STPG2: variants seen among roughly 807,000 people sequenced by gnomAD.
STPG2 encodes sperm tail PG-rich repeat containing 2.
STPG2 carries 56 observed loss-of-function variants against 54.2 expected under a neutral mutation model. The observed-to-expected ratio is 1.03, with a 90% confidence interval of 0.83 to 1.29. The LOEUF (loss-of-function observed/expected upper bound fraction) is 1.29, where lower values mean the gene tolerates loss of function less well. Among genes scored for constraint, STPG2 ranks in the 50% most tolerant of loss-of-function variants. The probability of loss-of-function intolerance (pLI) is 0.00; values close to 1 mark genes in which losing one functional copy is unlikely to be tolerated. For missense variants in STPG2, 596 were observed against 544.9 expected (o/e 1.09, Z -0.93); for synonymous variants, 200 against 181.8 (o/e 1.10, Z -0.81).
At chr4:97,999,030 C>A (rs1009672379) in intron 5 of STPG2, among the ~76,000 whole-genome samples, 13 of 151,804 alleles carry the variant, frequency 8.6e-5, no homozygotes, top group Non-Finnish European at 1.5e-4. Flanking sequence ...CTGTAATAAA[C>A]TATAGATTTA....
intron 8 of STPG2, among the ~76,000 whole-genome samples, chr4:97,906,898 A>G (rs1476732337): frequency 6.6e-6 from 1 of 152,072 alleles, no homozygotes; most frequent in Non-Finnish European, 1.5e-5. Context: ...TGACAAACCC[A>G]CAGCCAATCT....
rs374401380 is a variant in STPG2, at chr4:97,952,538, T to C, written c.934-8531A>G. On this transcript the variant is annotated intron_variant, in intron 7 of 10. Transcript: ENST00000295268. ...AGAGCCAGGCCACTATGAATGCTGC[T>C]GTTCCTCTGGGTCTAGTAACCCAGT... Among the ~76,000 whole-genome samples the C allele has an allele frequency of 2.6e-5, 4 of 152,256 alleles. No individual in the cohort carries two copies. In the South Asian group the frequency reaches 6.2e-4, roughly 24 times the overall value.
intron 9 of STPG2, among the ~76,000 whole-genome samples, chr4:97,742,455 C>T (rs1384872779): frequency 6.7e-6 from 1 of 150,308 alleles, no homozygotes; most frequent in Non-Finnish European, 1.5e-5. Context: ...TTCATTTTGG[C>T]ATTGTTCACA....
intron 9 of STPG2, among the ~76,000 whole-genome samples, chr4:97,787,192 G>A (rs530247700): frequency 1.3e-5 from 2 of 152,038 alleles, no homozygotes; most frequent in African/African-American, 4.8e-5. Context: ...TGAATATTTC[G>A]TACTTTTTTT....
At chr4:98,071,622 T>A (rs183570521) in intron 5 of STPG2, among the ~76,000 whole-genome samples, 16 of 151,988 alleles carry the variant, frequency 1.1e-4, no homozygotes, top group Non-Finnish European at 2.2e-4. Flanking sequence ...TCAGAGTGAA[T>A]AGACAACCTA....
At chr4:97,852,177 G>T (rs555362443) in intron 8 of STPG2, among the ~76,000 whole-genome samples, 1 of 152,250 alleles carries the variant, frequency 6.6e-6, no homozygotes, top group South Asian at 2.1e-4. Flanking sequence ...AATTTAAATA[G>T]CAGAGTTAGG....
chr4:97,475,530 A>T (rs1730049488), intron 4 of STPG2, among the ~76,000 whole-genome samples: 1 of 151,090 alleles, frequency 6.6e-6, no homozygotes, highest in South Asian at 2.1e-4. Flanking sequence ...TATATGTACC[A>T]TATTCAACGT....
intron 10 of STPG2, among the ~76,000 whole-genome samples, chr4:97,606,693 T>G (rs1241083146): frequency 2.0e-5 from 3 of 151,920 alleles, no homozygotes; most frequent in Non-Finnish European, 2.9e-5. Flanking sequence ...TTTTATTGAG[T>G]CCAAATGAAT....
chr4:97,614,362 G>C (rs1733807678), intron 10 of STPG2, among the ~76,000 whole-genome samples: 1 of 151,864 alleles, frequency 6.6e-6, no homozygotes, highest in African/African-American at 2.4e-5. Context: ...GGACTATAAA[G>C]TGAATGGCTA....
At chr4:97,724,103 TTATCCA>T (rs1295248473) in intron 9 of STPG2, among the ~76,000 whole-genome samples, 3 of 152,242 alleles carry the variant, frequency 2.0e-5, no homozygotes, top group African/African-American at 7.2e-5. Context: ...TTCTGTTTCC[TTATCCA>T]TTTGTCTTGC....
chr4:97,441,687 TTAAC>T (rs1289489152), intron 4 of STPG2: 17 of 152,014 alleles, frequency 1.1e-4, no homozygotes, highest in Non-Finnish European at 1.0e-4. Context: ...TCTAACCAAA[TTAAC>T]TAAATCTCAT....
In STPG2 at chr4:98,061,265, G is replaced by A. The variant is rs188725328; in HGVS notation, c.612+44688C>T. ...TACCTGAGACTGGGTAATTTATGAA[G>A]AAAAGAGGTTTAATTGACTCACAGT... On this transcript the variant is annotated intron_variant, in intron 5 of 10. Coordinates refer to ENST00000295268, the MANE Select transcript of STPG2 (RefSeq NM_174952.3). Among the ~76,000 whole-genome samples, 524 of 152,270 alleles carry A rather than the reference G, an allele frequency of 3.4e-3. 2 individuals carry two copies. The highest frequency in any genetic ancestry group is 6.8e-3 in the Middle Eastern group (2 of 294).
rs557193979 is a variant in STPG2 at position 98,141,731 on chromosome 4, C to A, written c.109+1311G>T. 9.2e-5 allele frequency among the ~76,000 whole-genome samples: 14 copies of A among 152,232 alleles called. No individual in the cohort carries two copies. The South Asian group carries it at 1.5e-3, about 16-fold the overall frequency. On this transcript the variant is annotated intron_variant, in intron 1 of 10. Coordinates refer to ENST00000295268, the MANE Select transcript of STPG2 (RefSeq NM_174952.3). ...GACCTCCTGAGGGCTGTGTCACAGG[C>A]CATGGTCACTCATATTTGGCTCGGA...
chr4:98,064,807 T>A (rs756156934), intron 5 of STPG2, among the ~76,000 whole-genome samples: 4 of 152,202 alleles, frequency 2.6e-5, no homozygotes, highest in Non-Finnish European at 5.9e-5. Flanking sequence ...GTGAGATTCA[T>A]GATTCAACAC....
At chr4:97,473,603 G>C (rs1175097526) in intron 4 of STPG2, among the ~76,000 whole-genome samples, 2 of 152,102 alleles carry the variant, frequency 1.3e-5, no homozygotes, top group African/African-American at 2.4e-5. Flanking sequence ...CTGTGCTCCT[G>C]TGATCTCGCC....
intron 10 of STPG2, among the ~76,000 whole-genome samples, chr4:97,579,243 C>T (rs564740803): frequency 4.6e-5 from 7 of 152,054 alleles, no homozygotes; most frequent in African/African-American, 1.4e-4. Context: ...TATTGAGATA[C>T]ACAGGAGCTT....
intron 5 of STPG2, among the ~76,000 whole-genome samples, chr4:98,033,886 T>C (rs1736683684): frequency 6.6e-6 from 1 of 152,086 alleles, no homozygotes; most frequent in Non-Finnish European, 1.5e-5. Context: ...AAAAGGCCTT[T>C]GACAAAATTC....
At chr4:98,098,227 A>G (rs1394977218) in intron 5 of STPG2, among the ~76,000 whole-genome samples, 3 of 152,118 alleles carry the variant, frequency 2.0e-5, no homozygotes, top group Non-Finnish European at 4.4e-5. Context: ...TCAATATTAC[A>G]GAGCTACAGT....
intron 10 of STPG2, among the ~76,000 whole-genome samples, chr4:97,638,252 C>T (rs2148942116): frequency 6.6e-6 from 1 of 152,232 alleles, no homozygotes; most frequent in East Asian, 1.9e-4. Flanking sequence ...GAAAGGATTC[C>T]CTATTTAATA....
Sources: gnomAD v4.1 joint callset for allele counts (sites outside exome capture counted in the v4.1 genomes callset) on GRCh38, gnomAD v4.1.1 for gene constraint, MANE v1.5 for transcripts, NCBI Gene and HGNC (gene_info 2026-07-23, HGNC 2026-07-21) for gene names.